The following CSPP1 variants were observed in gnomAD, a reference collection of about 807,000 sequenced individuals.
CSPP1 encodes centrosome and spindle pole-associated protein 1.
Under a neutral mutation model 164.4 loss-of-function variants are expected in CSPP1, and 126 were observed. The ratio of observed to expected loss-of-function variants is 0.77; its 90% CI spans 0.66 to 0.89. CSPP1 has a LOEUF of 0.89. CSPP1 is among the 40% of genes least tolerant of loss of function. CSPP1 has a pLI of 0.00. For missense variants in CSPP1, 1,395 were observed against 1,449.8 expected, an observed-to-expected ratio of 0.96 and a Z score of 0.61; for synonymous variants, 472 against 476.7, an observed-to-expected ratio of 0.99 and a Z score of 0.13.
Position 67,149,951 on chromosome 8 carries a change from T to G in CSPP1, c.2128+16T>G, listed in dbSNP as rs770694705. 9.6e-6 allele frequency: 9 copies of G among 933,248 alleles called. 1 individual carries two copies. In the African/African-American group the frequency reaches 1.3e-4, roughly 13 times the overall value. 57.8% of individuals were successfully genotyped at this position (933,248 alleles called of 1,614,324 possible). On this transcript the variant is annotated intron_variant, in intron 18 of 30. Transcript: ENST00000678616. ...AAAAGCTCAGGTTTTTAATCACTTT[T>G]TTTTTTTTTTTTTTTTTTTTACATT...
intron 17 of CSPP1, 114 bp from the exon 18 acceptor site, chr8:67,149,669 C>T (rs1455172836): frequency 3.0e-6 from 2 of 656,382 alleles, no homozygotes; most frequent in Non-Finnish European, 4.8e-6. Flanking sequence ...TTGAATTATT[C>T]CCAACTTTGT....
intron 21 of CSPP1, among the ~76,000 whole-genome samples, chr8:67,159,957 C>CTTTTCTTTTTTCTTTTCTTTTCT (rs71249422): frequency 5.0e-5 from 1 of 20,020 alleles, no homozygotes; most frequent in African/African-American, 2.6e-4. Flanking sequence ...TTCCTTCCTT[C>CTTTTCTTTTTTCTTTTCTTTTCT]TTTCTTTTCT....
At chr8:67,144,915 A>T (rs938983253) in intron 17 of CSPP1, among the ~76,000 whole-genome samples, 10 of 151,958 alleles carry the variant, frequency 6.6e-5, no homozygotes, top group African/African-American at 2.4e-4. Context: ...AAAAAAAAAA[A>T]AAAAAAATTA....
intron 5 of CSPP1, among the ~76,000 whole-genome samples, 172 bp from the exon 6 acceptor site, chr8:67,093,371 C>T (rs994836453): frequency 9.2e-5 from 14 of 152,308 alleles, no homozygotes; most frequent in East Asian, 1.9e-4. Context: ...AAACCTCTTC[C>T]GACTTCTCCC....
At chr8:67,184,112 C>G (rs1833763250) in intron 28 of CSPP1, among the ~76,000 whole-genome samples, 1 of 152,086 alleles carries the variant, frequency 6.6e-6, no homozygotes, top group African/African-American at 2.4e-5. Context: ...CTTGGCCTCC[C>G]AAAGTGCTGG....
Position 67,095,418 on chromosome 8 carries a change from T to C in CSPP1, c.609T>C (p.Tyr203=), listed in dbSNP as rs779025508. The change falls in exon 7 of 31, where the codon TAT becomes TAC. Residue 203 remains tyrosine (Y), a synonymous_variant. Transcript: ENST00000678616. ...RKDVLTPSEA[Y]EELLNQRRLE... is the part of the protein sequence containing the mutation. ...ATGTCTTAACTCCTTCAGAGGCATA[T>C]GAAGAACTTCTGAACCAAAGACGAC... is the stretch of plus-strand genomic sequence containing the variant. 1 of 1,613,512 alleles carries C rather than the reference T, an allele frequency of 6.2e-7. No individual in the cohort carries two copies. Among genetic ancestry groups the C allele is most frequent in the Non-Finnish European group, 8.5e-7 (1 of 1,179,854 alleles).
intron 9 of CSPP1, among the ~76,000 whole-genome samples, chr8:67,109,053 C>T (rs1816272826): frequency 6.6e-6 from 1 of 152,208 alleles, no homozygotes. Flanking sequence ...ATTCAGGCAG[C>T]AACTCCAGTG....
chr8:67,132,868 G>C (rs1215645782), intron 16 of CSPP1, among the ~76,000 whole-genome samples: 1 of 152,140 alleles, frequency 6.6e-6, no homozygotes, highest in Non-Finnish European at 1.5e-5. Flanking sequence ...TTCTTTGTGG[G>C]AATTCCCTTA....
intron 7 of CSPP1, among the ~76,000 whole-genome samples, chr8:67,100,161 A>G (rs578052976): frequency 5.9e-5 from 9 of 152,228 alleles, no homozygotes; most frequent in South Asian, 4.1e-4. Context: ...TTTTTCTTCA[A>G]TGAAAGGTAT....
chr8:67,069,306 A>G (rs563746845), intron 1 of CSPP1: 3 of 152,312 alleles, frequency 2.0e-5, no homozygotes, highest in South Asian at 2.1e-4. Context: ...TTTAGAAATG[A>G]TTAGAAATGT....
At position 67,184,736 on chromosome 8, in the gene CSPP1, TA is replaced by T. The variant is rs1289501293; in HGVS notation, c.3220+4817del. Among the ~76,000 whole-genome samples, 517 of 128,484 alleles carry T rather than the reference TA, an allele frequency of 4.0e-3. 5 individuals carry two copies. Among genetic ancestry groups the T allele is most frequent in the East Asian group, 0.014 (66 of 4,666 alleles). 84.3% of individuals were successfully genotyped at this position (128,484 alleles called of 152,430 possible). On this transcript the variant is annotated intron_variant, in intron 28 of 30. Coordinates refer to ENST00000678616, the MANE Select transcript of CSPP1 (RefSeq NM_001382391.1). Reference sequence around the variant, plus strand: ...GAGATTCTGTCTAAAAAAATAATAATAAAAAAATATAATAATAATAATAATA... The same window carrying T: ...GAGATTCTGTCTAAAAAAATAATAATAAAAAATATAATAATAATAATAATA...
intron 8 of CSPP1, among the ~76,000 whole-genome samples, chr8:67,105,633 G>A (rs997287598): frequency 2.6e-5 from 4 of 151,866 alleles, no homozygotes; most frequent in African/African-American, 9.7e-5. Context: ...ATCCACCCAC[G>A]TAGGCCTCCC....
intron 8 of CSPP1, among the ~76,000 whole-genome samples, chr8:67,104,978 T>A (rs1263726996): frequency 1.4e-5 from 2 of 142,414 alleles, no homozygotes; most frequent in East Asian, 2.0e-4. Flanking sequence ...TTTTTTTTTT[T>A]TTTTTTTTTT....
Position 67,188,581 on chromosome 8 carries a change from A to G in CSPP1, c.3221-2069A>G, listed in dbSNP as rs1835325310. Among the ~76,000 whole-genome samples the G allele has an allele frequency of 2.0e-5, 3 of 152,128 alleles. No homozygotes were observed. The South Asian group carries it at 6.2e-4, about 32-fold the overall frequency. On this transcript the variant is annotated intron_variant, in intron 28 of 30. Transcript: ENST00000678616. Reference sequence around the variant, plus strand: ...CCCATTGTATGGGAACTCTATTTTCATTCTATTAAATCTTGGAACTGCATG... The same window carrying G: ...CCCATTGTATGGGAACTCTATTTTCGTTCTATTAAATCTTGGAACTGCATG...
intron 26 of CSPP1, chr8:67,175,680 C>A: frequency 1.6e-6 from 1 of 618,858 alleles, no homozygotes; most frequent in South Asian, 1.6e-5. Flanking sequence ...GCCAGGAGGA[C>A]TGAATACTTT....
intron 8 of CSPP1, among the ~76,000 whole-genome samples, chr8:67,105,175 G>A (rs1310790886): frequency 6.7e-6 from 1 of 150,038 alleles, no homozygotes; most frequent in Non-Finnish European, 1.5e-5. Context: ...ATAGGCGTGT[G>A]CCACCATGTC....
At chr8:67,161,520 AT>A (rs1828350780) in intron 21 of CSPP1, among the ~76,000 whole-genome samples, 2 of 151,234 alleles carry the variant, frequency 1.3e-5, no homozygotes, top group Non-Finnish European at 3.0e-5. Flanking sequence ...GTTTTGTTAT[AT>A]TTTTTCTTTT....
rs139599638 is a variant in CSPP1, at chr8:67,175,454, C to T, written c.3109+18C>T. Reference sequence around the variant, plus strand: ...TGCCAAAGGTAAGAAATAATCATTGCTGTGTCAAATAGTATCAGCACGCTG... The same window carrying T: ...TGCCAAAGGTAAGAAATAATCATTGTTGTGTCAAATAGTATCAGCACGCTG... On this transcript the variant is annotated intron_variant, in intron 26 of 30. Transcript: ENST00000678616. 649 of 1,613,730 alleles carry T rather than the reference C, an allele frequency of 4.0e-4. 2 individuals are homozygous for T. The African/African-American group carries it at 8.1e-3, about 20-fold the overall frequency.
intron 24 of CSPP1, among the ~76,000 whole-genome samples, chr8:67,169,424 C>G (rs1029818543): frequency 6.6e-6 from 1 of 152,066 alleles, no homozygotes; most frequent in Non-Finnish European, 1.5e-5. Flanking sequence ...TATTGAACTA[C>G]GTATTAGTAC....
Sources: allele counts gnomAD v4.1 joint callset (sites outside exome capture counted in the v4.1 genomes callset), GRCh38; gene constraint gnomAD v4.1.1; transcripts MANE v1.5; gene names NCBI Gene and HGNC (gene_info 2026-07-23, HGNC 2026-07-21).